The following KLRG1 variants were observed in gnomAD, a reference collection of about 807,000 sequenced individuals.
KLRG1 encodes the protein killer cell lectin-like receptor subfamily G member 1.
Under a neutral mutation model 21.8 loss-of-function variants are expected in KLRG1, and 16 were observed. That is an observed-to-expected ratio of 0.73 (90% CI 0.50 to 1.11). The LOEUF (loss-of-function observed/expected upper bound fraction) is 1.11. Ranked by LOEUF, KLRG1 falls within the 50% of genes most tolerant of loss-of-function variation. The probability of loss-of-function intolerance (pLI) is 0.00; values close to 1 mark genes in which losing one functional copy is unlikely to be tolerated. For missense variants in KLRG1, 173 were observed against 218.3 expected, an observed-to-expected ratio of 0.79 and a Z score of 1.31; for synonymous variants, 69 against 75.9, an observed-to-expected ratio of 0.91 and a Z score of 0.47.
At chr12:9,208,301 A>C in the KLRG1 span, 1 of 1,613,794 alleles carries the variant, frequency 6.2e-7, no homozygotes, top group South Asian at 1.1e-5. Context: ...CAGGATAAGA[A>C]GTAGCACAAG....
chr12:8,988,308 T>A (rs760821159), upstream of KLRG1: 10 of 152,240 alleles, frequency 6.6e-5, no homozygotes, highest in African/African-American at 2.4e-4. Flanking sequence ...ATCATTGCAC[T>A]CACCTTTGTA....
the KLRG1 span, among the ~76,000 whole-genome samples, chr12:9,023,534 G>A: frequency 3.3e-5 from 5 of 151,708 alleles, no homozygotes; most frequent in East Asian, 3.9e-4. Context: ...CATTTAGGTC[G>A]GTAATGTATT....
the KLRG1 span, among the ~76,000 whole-genome samples, chr12:9,144,496 C>T: frequency 6.6e-6 from 1 of 151,538 alleles, no homozygotes; most frequent in Non-Finnish European, 1.5e-5. Flanking sequence ...CCACAACACC[C>T]GTCCTGGGTT....
chr12:9,121,995 C>T, the KLRG1 span, among the ~76,000 whole-genome samples: 1 of 152,140 alleles, frequency 6.6e-6, no homozygotes, highest in Non-Finnish European at 1.5e-5. This position sits in a 1 kb window ranked among gnomAD's most constrained non-coding sequence, Gnocchi z 4.4. Flanking sequence ...TTCATGATTA[C>T]TGGTGATGTT....
the KLRG1 span, among the ~76,000 whole-genome samples, chr12:9,042,241 A>G: frequency 6.6e-6 from 1 of 152,242 alleles, no homozygotes; most frequent in East Asian, 1.9e-4. Flanking sequence ...GTTTTCAACT[A>G]GAATCTAGAG....
chr12:9,162,744 AATG>A, the KLRG1 span: 1 of 990,270 alleles, frequency 1.0e-6, no homozygotes, highest in Admixed American at 2.2e-5. Flanking sequence ...GGTTTACACG[AATG>A]ATGTTTACCA....
chr12:9,033,616 T>C, the KLRG1 span, among the ~76,000 whole-genome samples: 18 of 152,144 alleles, frequency 1.2e-4, no homozygotes, highest in African/African-American at 4.1e-4. Context: ...TGAGACAGCA[T>C]GGAGAATAAA....
chr12:9,112,420 G>A, the KLRG1 span: 1 of 1,613,906 alleles, frequency 6.2e-7, no homozygotes, highest in South Asian at 1.1e-5. Flanking sequence ...TCTGGACAAA[G>A]ACCAGACTGT....
At chr12:9,038,754 C>T in the KLRG1 span, among the ~76,000 whole-genome samples, 1 of 151,930 alleles carries the variant, frequency 6.6e-6, no homozygotes, top group Non-Finnish European at 1.5e-5. Flanking sequence ...CAAAAATTAG[C>T]CGGGCGTGGT....
At chr12:9,166,287 T>G in the KLRG1 span, 6 of 1,370,650 alleles carry the variant, frequency 4.4e-6, no homozygotes, top group Non-Finnish European at 6.0e-6. Flanking sequence ...AACAAAATTT[T>G]CAGTTTTCCT....
chr12:9,181,976 T>A, the KLRG1 span: 1 of 1,613,388 alleles, frequency 6.2e-7, no homozygotes, highest in African/African-American at 1.3e-5. Context: ...ATCGCTCACC[T>A]TGTTGGCTAG....
chr12:9,140,645 C>T, the KLRG1 span, among the ~76,000 whole-genome samples: 1 of 152,144 alleles, frequency 6.6e-6, no homozygotes, highest in African/African-American at 2.4e-5. Context: ...GAGATAAGGC[C>T]TTTTAAAGCT....
intron 1 of KLRG1, among the ~76,000 whole-genome samples, chr12:8,974,748 G>A (rs1421679815): frequency 6.6e-6 from 1 of 152,070 alleles, no homozygotes; most frequent in African/African-American, 2.4e-5. Flanking sequence ...GCCTTTTAAT[G>A]TGCTGTTGTT....
At chr12:8,973,465 G>A (rs1209132880) in intron 1 of KLRG1, among the ~76,000 whole-genome samples, 1 of 152,138 alleles carries the variant, frequency 6.6e-6, no homozygotes, top group East Asian at 1.9e-4. Flanking sequence ...GCCCATATGA[G>A]AACAAGTGTT....
chr12:9,123,425 C>T, the KLRG1 span, among the ~76,000 whole-genome samples: 1 of 151,994 alleles, frequency 6.6e-6, no homozygotes, highest in African/African-American at 2.4e-5. Flanking sequence ...AACATAAGCC[C>T]TGCAGTATTG....
chr12:9,053,406 T>C, the KLRG1 span, among the ~76,000 whole-genome samples: 4 of 152,200 alleles, frequency 2.6e-5, no homozygotes, highest in East Asian at 7.7e-4. Flanking sequence ...ATGATAATCA[T>C]ACAGATACAT....
chr12:9,178,657 A>G, the KLRG1 span, among the ~76,000 whole-genome samples: 1 of 152,250 alleles, frequency 6.6e-6, no homozygotes, highest in African/African-American at 2.4e-5. Flanking sequence ...TACAAAAATT[A>G]TGGCTACAGC....
chr12:9,158,378 T>G, the KLRG1 span: 2 of 1,607,864 alleles, frequency 1.2e-6, no homozygotes, highest in Non-Finnish European at 1.7e-6. Context: ...GGGGATGTTA[T>G]GTTGATGTGT....
At chr12:9,175,689 A>G in the KLRG1 span, among the ~76,000 whole-genome samples, 1 of 152,242 alleles carries the variant, frequency 6.6e-6, no homozygotes, top group Non-Finnish European at 1.5e-5. Flanking sequence ...ACATACAGCC[A>G]ACAAACATAT....
Sources: allele counts gnomAD v4.1 joint callset (sites outside exome capture counted in the v4.1 genomes callset), GRCh38; gene constraint gnomAD v4.1.1; non-coding constraint Gnocchi (gnomAD v3.1); transcripts MANE v1.5; gene names NCBI Gene and HGNC (gene_info 2026-07-23, HGNC 2026-07-21).